Variants in TMED3 observed in about 807,000 individuals in gnomAD.
TMED3 encodes transmembrane emp24 domain-containing protein 3.
In TMED3, 9 loss-of-function variants were observed where a neutral mutation model predicts 15.0. The ratio of observed to expected loss-of-function variants is 0.60; its 90% CI spans 0.36 to 1.04. The LOEUF (loss-of-function observed/expected upper bound fraction) is 1.04, where lower values mean the gene tolerates loss of function less well. Ranked by LOEUF, TMED3 falls within the 50% of genes least tolerant of loss-of-function variation. The pLI, the probability that TMED3 is intolerant of heterozygous loss-of-function variation, is 0.01. For missense variants in TMED3, 267 were observed against 278.9 expected, an observed-to-expected ratio of 0.96 and a Z score of 0.30; for synonymous variants, 117 against 121.4, an observed-to-expected ratio of 0.96 and a Z score of 0.24.
intron 2 of TMED3, among the ~76,000 whole-genome samples, chr15:79,391,716 C>A (rs553208900): frequency 6.6e-6 from 1 of 152,122 alleles, no homozygotes; most frequent in African/African-American, 2.4e-5. Flanking sequence ...TGCTGCCTAT[C>A]TCATTTCTTA....
intron 2 of TMED3, among the ~76,000 whole-genome samples, chr15:79,343,207 G>C (rs905433657): frequency 6.6e-6 from 1 of 152,122 alleles, no homozygotes; most frequent in African/African-American, 2.4e-5. Context: ...TGATGGGACG[G>C]TGCATACAAC....
At chr15:79,379,825 AAG>A (rs754812928) in intron 2 of TMED3, among the ~76,000 whole-genome samples, 7 of 152,120 alleles carry the variant, frequency 4.6e-5, no homozygotes, top group African/African-American at 7.3e-5. Context: ...TTTTCTTAAA[AAG>A]AGAGAAAAAT....
chr15:79,390,868 A>G (rs1264225603), intron 2 of TMED3, among the ~76,000 whole-genome samples: 3 of 152,016 alleles, frequency 2.0e-5, no homozygotes, highest in Admixed American at 1.3e-4. Context: ...GTTTATGTAC[A>G]TAAAGGTGTT....
intron 2 of TMED3, among the ~76,000 whole-genome samples, chr15:79,405,051 G>C (rs944780569): frequency 6.6e-6 from 1 of 152,144 alleles, no homozygotes; most frequent in Admixed American, 6.5e-5. Context: ...GAATCTTCTT[G>C]GACCCAATTC....
chr15:79,364,867 T>C (rs774252054), intron 2 of TMED3, among the ~76,000 whole-genome samples: 16 of 152,128 alleles, frequency 1.1e-4, no homozygotes, highest in Non-Finnish European at 1.8e-4. Flanking sequence ...TTCAAGCCCA[T>C]GTGTGACTTG....
chr15:79,314,131 GT>G, intron 2 of TMED3, 126 bp downstream of exon 2: 3 of 1,322,446 alleles, frequency 2.3e-6, no homozygotes, highest in Non-Finnish European at 3.1e-6. Context: ...CTCAGGGTTG[GT>G]TTTGTCTCTT....
chr15:79,352,958 A>G (rs1487751031), intron 2 of TMED3, among the ~76,000 whole-genome samples: 2 of 120,946 alleles, frequency 1.7e-5, no homozygotes, highest in Non-Finnish European at 3.2e-5. Context: ...TATATGTAAT[A>G]TATAATATAT....
chr15:79,349,528 A>G (rs11855833), intron 2 of TMED3, among the ~76,000 whole-genome samples: 14,247 of 152,072 alleles, frequency 0.094, 713 homozygotes, highest in Admixed American at 0.12. Context: ...AAACAAATAA[A>G]ATTTAATTTA....
intron 2 of TMED3, among the ~76,000 whole-genome samples, chr15:79,327,898 G>C (rs1275089639): frequency 1.3e-5 from 2 of 152,144 alleles, no homozygotes; most frequent in South Asian, 4.1e-4. Flanking sequence ...GCTTCCTTGG[G>C]GTTAGTTAGG....
intron 2 of TMED3, among the ~76,000 whole-genome samples, chr15:79,352,993 T>C (rs1168687147): frequency 9.9e-6 from 1 of 101,410 alleles, no homozygotes; most frequent in East Asian, 2.6e-4. Flanking sequence ...TTATATATTA[T>C]GTTATATAAA....
intron 2 of TMED3, among the ~76,000 whole-genome samples, chr15:79,373,804 TGGAAAGACAGGACAACTCGAAGCAG>T (rs1893382938): frequency 6.6e-6 from 1 of 152,198 alleles, no homozygotes; most frequent in Non-Finnish European, 1.5e-5. Context: ...TGGTTTGGTC[TGGAAAGACAGGACAACTCGAAGCAG>T]GGGCTTACAG....
At chr15:79,384,204 C>G (rs1415739300) in intron 2 of TMED3, 3 of 152,126 alleles carry the variant, frequency 2.0e-5, no homozygotes, top group African/African-American at 7.2e-5. Context: ...AGAACTCTCT[C>G]GAGGCAGTGA....
intron 2 of TMED3, among the ~76,000 whole-genome samples, chr15:79,320,994 A>G (rs2058764030): frequency 1.3e-5 from 2 of 152,138 alleles, no homozygotes; most frequent in South Asian, 4.2e-4. Flanking sequence ...TGACTGTTGT[A>G]CCCTCAACGC....
intron 2 of TMED3, among the ~76,000 whole-genome samples, chr15:79,371,682 G>T (rs1352050233): frequency 2.0e-5 from 3 of 152,160 alleles, no homozygotes; most frequent in Non-Finnish European, 4.4e-5. Context: ...TGGGAGGGGG[G>T]TCTTAGGACT....
chr15:79,313,722 T>A (rs1157825072), intron 1 of TMED3, 35 bp from the exon 2 acceptor site: 1 of 1,597,118 alleles, frequency 6.3e-7, no homozygotes, highest in Non-Finnish European at 8.6e-7. Context: ...TGGTGGTTGC[T>A]CCTTTGATAA....
intron 2 of TMED3, among the ~76,000 whole-genome samples, chr15:79,349,992 C>A (rs763512387): frequency 1.3e-5 from 2 of 152,152 alleles, no homozygotes; most frequent in Non-Finnish European, 2.9e-5. Flanking sequence ...TATTTTCTTC[C>A]TGTTTGTTTT....
At position 79,311,434 on chromosome 15, in the gene TMED3, G is replaced by C; in HGVS notation, c.168+17G>C. 1 of 1,595,472 alleles carries C rather than the reference G, an allele frequency of 6.3e-7. No homozygotes were observed. Among genetic ancestry groups the C allele is most frequent in the South Asian group, 1.1e-5 (1 of 88,070 alleles). On this transcript the variant is annotated intron_variant, in intron 1 of 2. Coordinates refer to ENST00000299705, the MANE Select transcript of TMED3 (RefSeq NM_007364.4). ...GATTACCAGGTGAGGCCGGGCGCCCGGCAGCGCTCCCTTCTCCCTCCACTC... is the reference window on the plus strand; with the variant it reads ...GATTACCAGGTGAGGCCGGGCGCCCCGCAGCGCTCCCTTCTCCCTCCACTC...
intron 2 of TMED3, among the ~76,000 whole-genome samples, chr15:79,364,704 C>T (rs894885623): frequency 1.2e-4 from 18 of 151,794 alleles, no homozygotes; most frequent in African/African-American, 2.2e-4. Context: ...GTCTGAACAC[C>T]GAGAGGAGTT....
intron 2 of TMED3, among the ~76,000 whole-genome samples, chr15:79,341,771 C>T (rs768890862): frequency 6.6e-6 from 1 of 152,196 alleles, no homozygotes; most frequent in Admixed American, 6.5e-5. Context: ...TGATCTCTTT[C>T]GGCGGTTTCA....
Sources: gnomAD v4.1 joint callset for allele counts (sites outside exome capture counted in the v4.1 genomes callset) on GRCh38, gnomAD v4.1.1 for gene constraint, MANE v1.5 for transcripts, NCBI Gene and HGNC (gene_info 2026-07-23, HGNC 2026-07-21) for gene names.